Variants in TOM1L2 observed in about 807,000 individuals in gnomAD.
The protein encoded by TOM1L2 is target of myb1 like 2 membrane trafficking protein.
A neutral mutation model predicts 67.9 loss-of-function variants in TOM1L2; 31 were observed. The observed-to-expected ratio is 0.46, with a 90% CI of 0.34 to 0.62. TOM1L2 has a LOEUF of 0.62. TOM1L2 is among the 20% of genes least tolerant of loss of function. TOM1L2 has a pLI of 0.01. For missense variants in TOM1L2, 606 were observed against 663.5 expected (o/e 0.91, Z 0.95); for synonymous variants, 256 against 254.0 (o/e 1.01, Z -0.07).
intron 4 of TOM1L2, among the ~76,000 whole-genome samples, chr17:17,886,999 T>C (rs2038031700): frequency 6.6e-6 from 1 of 152,228 alleles, no homozygotes; most frequent in Admixed American, 6.5e-5. Context: ...AGACAGCCTA[T>C]GTTCTCCAGA....
At chr17:17,874,036 A>G (rs1009862082) in intron 7 of TOM1L2, among the ~76,000 whole-genome samples, 1 of 151,722 alleles carries the variant, frequency 6.6e-6, no homozygotes, top group African/African-American at 2.4e-5. Flanking sequence ...GCTCACTGCA[A>G]GCTCCGCCTC....
chr17:17,913,769 TAA>T (rs2039509143), intron 1 of TOM1L2, among the ~76,000 whole-genome samples: 1 of 152,160 alleles, frequency 6.6e-6, no homozygotes, highest in South Asian at 2.1e-4. Flanking sequence ...CCCAGTATCA[TAA>T]GAGGAAAGGA....
Position 17,964,166 on chromosome 17 carries a change from T to C in TOM1L2, c.52+8096A>G, listed in dbSNP as rs74500432. ...GGGAGCAATAACATATGTAACCAAG[T>C]CTGAGACTGGTTTTAAAAGTCGCCT... On this transcript the variant is annotated intron_variant, in intron 1 of 14. Transcript: ENST00000379504. Among the ~76,000 whole-genome samples the C allele has an allele frequency of 3.1e-3, 472 of 152,248 alleles. 4 individuals are homozygous for C. The highest frequency in any genetic ancestry group is 0.011 in the African/African-American group (443 of 41,536).
At chr17:17,859,520 A>G (rs2036438295) in intron 12 of TOM1L2, 1 of 152,284 alleles carries the variant, frequency 6.6e-6, no homozygotes, top group Non-Finnish European at 1.5e-5. Context: ...CACAGCCCAC[A>G]TGCTCTGCTG....
intron 1 of TOM1L2, among the ~76,000 whole-genome samples, chr17:17,941,473 C>A (rs2040731804): frequency 6.6e-6 from 1 of 152,136 alleles, no homozygotes; most frequent in African/African-American, 2.4e-5. Context: ...AAAAGCTAGA[C>A]AAAAAGCTGA....
At chr17:17,942,555 C>T (rs778807083) in intron 1 of TOM1L2, among the ~76,000 whole-genome samples, 1 of 152,014 alleles carries the variant, frequency 6.6e-6, no homozygotes, top group East Asian at 1.9e-4. Flanking sequence ...ATGTATGGGC[C>T]GATATGTACA....
intron 4 of TOM1L2, 72 bp from the exon 5 acceptor site, chr17:17,884,840 C>A: frequency 6.3e-7 from 1 of 1,594,512 alleles, no homozygotes. Context: ...CAAAGTGGCC[C>A]ACGTCCTCTC....
intron 1 of TOM1L2, among the ~76,000 whole-genome samples, chr17:17,918,563 A>T (rs112014667): frequency 3.9e-5 from 6 of 152,184 alleles, no homozygotes; most frequent in Non-Finnish European, 8.8e-5. Flanking sequence ...CCATAACAGG[A>T]TCTGCAGGTC....
intron 1 of TOM1L2, among the ~76,000 whole-genome samples, chr17:17,936,985 G>A (rs1024152679): frequency 6.6e-6 from 1 of 152,168 alleles, no homozygotes; most frequent in Non-Finnish European, 1.5e-5. Flanking sequence ...GCTCAGAGTT[G>A]AACTGGCCTC....
intron 1 of TOM1L2, among the ~76,000 whole-genome samples, chr17:17,935,546 G>A (rs1445938381): frequency 2.0e-5 from 3 of 152,158 alleles, no homozygotes; most frequent in Admixed American, 6.5e-5. Flanking sequence ...AACTGTGCCT[G>A]CTCTAGGAGG....
intron 1 of TOM1L2, among the ~76,000 whole-genome samples, chr17:17,914,602 T>C (rs949627577): frequency 2.0e-5 from 3 of 152,218 alleles, no homozygotes; most frequent in African/African-American, 7.2e-5. Flanking sequence ...CCCCATCTTG[T>C]AGACAAGTAT....
chr17:17,928,088 A>T lies in TOM1L2; in HGVS notation c.53-20557T>A, dbSNP rs187749093. Among the ~76,000 whole-genome samples, 28 of 152,322 alleles carry T rather than the reference A, an allele frequency of 1.8e-4. No individual in the cohort carries two copies. In the South Asian group the frequency reaches 2.7e-3, roughly 15 times the overall value. ...ATGAATTGATAATTGTAGAAGCTCAATGATGAGTATGTGGGGGTTCATTAT... is the reference window on the plus strand; with the variant it reads ...ATGAATTGATAATTGTAGAAGCTCATTGATGAGTATGTGGGGGTTCATTAT... On this transcript the variant is annotated intron_variant, in intron 1 of 14. Transcript: ENST00000379504.
rs1278275664 is a variant in TOM1L2, at chr17:17,906,825, T to C, written c.137+622A>G. On this transcript the variant is annotated intron_variant, in intron 2 of 14. Transcript: ENST00000379504. ...ATGGTTTAAGAGGGCATGGCTACAG[T>C]AAAGTAAGTGTTAGTGGTATGGACA... 3.3e-5 allele frequency among the ~76,000 whole-genome samples: 5 copies of C among 152,238 alleles called. No homozygotes were observed. The East Asian group carries it at 9.6e-4, about 29-fold the overall frequency.
chr17:17,885,924 C>CAAA (rs35579807), intron 4 of TOM1L2, among the ~76,000 whole-genome samples: 66 of 65,962 alleles, frequency 1.0e-3, no homozygotes, highest in Non-Finnish European at 1.1e-3. Flanking sequence ...GACTCCGTCT[C>CAAA]AAAAAAAAAA....
Position 17,916,991 on chromosome 17 carries a change from C to T in TOM1L2, c.53-9460G>A, listed in dbSNP as rs143225227. Among the ~76,000 whole-genome samples the T allele has an allele frequency of 1.2e-4, 18 of 152,254 alleles. 1 individual carries two copies. In the East Asian group the frequency reaches 3.5e-3, roughly 29 times the overall value. ...GCCAACCAACATGGTGAAACCCCAT[C>T]TCTACTAAAAATACATAAATTAGCT... On this transcript the variant is annotated intron_variant, in intron 1 of 14. Coordinates refer to ENST00000379504, the MANE Select transcript of TOM1L2 (RefSeq NM_001082968.2).
intron 13 of TOM1L2, among the ~76,000 whole-genome samples, chr17:17,849,506 C>A (rs892103970): frequency 1.4e-4 from 21 of 152,250 alleles, no homozygotes; most frequent in African/African-American, 5.1e-4. Context: ...CTGCTGCTGG[C>A]TCCTCAAGGA....
At chr17:17,876,698 G>A (rs977144322) in intron 7 of TOM1L2, among the ~76,000 whole-genome samples, 14 of 152,206 alleles carry the variant, frequency 9.2e-5, no homozygotes, top group African/African-American at 1.4e-4. Flanking sequence ...GCCTGGAGAC[G>A]GCTGGTGACT....
At chr17:17,965,843 G>A (rs1323359182) in intron 1 of TOM1L2, among the ~76,000 whole-genome samples, 1 of 152,102 alleles carries the variant, frequency 6.6e-6, no homozygotes, top group Non-Finnish European at 1.5e-5. Flanking sequence ...AAACGGGGCC[G>A]GGCATGGTGG....
chr17:17,920,783 C>A (rs986558766), intron 1 of TOM1L2, among the ~76,000 whole-genome samples: 3 of 151,442 alleles, frequency 2.0e-5, no homozygotes, highest in African/African-American at 7.3e-5. Flanking sequence ...TACAGGCGCC[C>A]GCCACCATGC....
Sources: allele counts gnomAD v4.1 joint callset (sites outside exome capture counted in the v4.1 genomes callset), GRCh38; gene constraint gnomAD v4.1.1; transcripts MANE v1.5; gene names NCBI Gene and HGNC (gene_info 2026-07-23, HGNC 2026-07-21).